The following ANKRD22 variants were observed in gnomAD, a reference collection of about 807,000 sequenced individuals.
ANKRD22 encodes the protein ankyrin repeat domain-containing protein 22.
In ANKRD22, 24 loss-of-function variants were observed where a neutral mutation model predicts 25.7. The ratio of observed to expected loss-of-function variants is 0.93; its 90% CI spans 0.68 to 1.31. ANKRD22 has a LOEUF of 1.31. Ranked by LOEUF, ANKRD22 falls within the 50% of genes most tolerant of loss-of-function variation. The probability of loss-of-function intolerance (pLI) is 0.00; values close to 1 mark genes in which losing one functional copy is unlikely to be tolerated. For synonymous variants in ANKRD22, 84 were observed against 84.3 expected (o/e 1.00, Z 0.02); for missense variants, 214 against 227.1 (o/e 0.94, Z 0.37).
Position 88,851,692 on chromosome 10 carries a change from G to T in ANKRD22, c.-85C>A. On this transcript the variant is annotated 5_prime_UTR_variant, in exon 1 of 6. Transcript: ENST00000371930. ...CTGATGAATATCAAAATCCTTCCTG[G>T]CTGAGAGGAAAGTCCCTAGAAGTCC... 2 of 1,543,956 alleles carry T rather than the reference G, an allele frequency of 1.3e-6. No individual in the cohort carries two copies. The highest frequency in any genetic ancestry group is 8.9e-7 in the Non-Finnish European group (1 of 1,119,064).
intron 1 of ANKRD22, among the ~76,000 whole-genome samples, chr10:88,839,771 T>C (rs1293154322): frequency 2.6e-5 from 4 of 152,122 alleles, no homozygotes; most frequent in Admixed American, 6.6e-5. Flanking sequence ...GGGGTTGATG[T>C]TTAGAAGGTA....
At chr10:88,844,062 CTT>C (rs986899345) in intron 1 of ANKRD22, among the ~76,000 whole-genome samples, 2 of 152,090 alleles carry the variant, frequency 1.3e-5, no homozygotes, top group African/African-American at 4.8e-5. Context: ...CAAAGCCACT[CTT>C]TTAGATCTCT....
intron 1 of ANKRD22, among the ~76,000 whole-genome samples, chr10:88,838,367 T>G (rs143412637): frequency 6.6e-6 from 1 of 152,234 alleles, no homozygotes; most frequent in East Asian, 1.9e-4. Context: ...AATTCAGTCT[T>G]AATGGGCATC....
At chr10:88,841,330 G>A (rs1439566110) in intron 1 of ANKRD22, among the ~76,000 whole-genome samples, 2 of 152,008 alleles carry the variant, frequency 1.3e-5, no homozygotes, top group African/African-American at 2.4e-5. Context: ...AAGGCAGTAG[G>A]GTGCCCATAA....
At chr10:88,828,511 A>T (rs919851601) in intron 3 of ANKRD22, 48 bp downstream of exon 3, 3 of 1,362,072 alleles carry the variant, frequency 2.2e-6, no homozygotes, top group Non-Finnish European at 3.1e-6. Context: ...AATGAGTCAC[A>T]CCATCGATCT....
chr10:88,847,503 C>T (rs533032194), intron 1 of ANKRD22, among the ~76,000 whole-genome samples: 1 of 152,148 alleles, frequency 6.6e-6, no homozygotes, highest in Non-Finnish European at 1.5e-5. Flanking sequence ...AGGTGATCCA[C>T]CTGCCTCAGC....
chr10:88,820,153 T>C lies in ANKRD22; in HGVS notation c.*2788A>G, dbSNP rs1481973972. The C allele has an allele frequency of 8.4e-7, 1 of 1,185,950 alleles. No individual in the cohort carries two copies. Among genetic ancestry groups the C allele is most frequent in the African/African-American group, 1.5e-5 (1 of 65,228 alleles). 73.5% of individuals were successfully genotyped at this position (1,185,950 alleles called of 1,614,324 possible). On this transcript the variant is annotated 3_prime_UTR_variant, in exon 6 of 6. Transcript: ENST00000371930. ...TTCACCACAACAGATGGCATGTTTA[T>C]TATGTCTATTTGAAACATAAATTAT...
chr10:88,836,143 G>T (rs1032627209), intron 1 of ANKRD22, among the ~76,000 whole-genome samples: 3 of 152,100 alleles, frequency 2.0e-5, no homozygotes, highest in African/African-American at 7.2e-5. Context: ...TCCATATGCC[G>T]TTTTTACAAC....
At chr10:88,842,945 C>T (rs1844015575) in intron 1 of ANKRD22, among the ~76,000 whole-genome samples, 2 of 152,094 alleles carry the variant, frequency 1.3e-5, no homozygotes, top group Non-Finnish European at 2.9e-5. Context: ...ATAGTTTTTA[C>T]TCCATTTTGG....
At chr10:88,842,754 A>G (rs905054492) in intron 1 of ANKRD22, among the ~76,000 whole-genome samples, 1 of 152,160 alleles carries the variant, frequency 6.6e-6, no homozygotes, top group African/African-American at 2.4e-5. Flanking sequence ...ACCTATAAAA[A>G]CAACTATAAA....
intron 1 of ANKRD22, among the ~76,000 whole-genome samples, chr10:88,837,597 T>C (rs1421493511): frequency 6.6e-6 from 1 of 152,238 alleles, no homozygotes; most frequent in Admixed American, 6.5e-5. Context: ...AGGTTTGATC[T>C]TCATTCATTA....
rs1843805576 is a variant in ANKRD22, at chr10:88,822,358, T to G, written c.*583A>C. 6.6e-6 allele frequency: 1 copy of G among 152,046 alleles called. No homozygotes were observed. The highest frequency in any genetic ancestry group is 1.5e-5 in the Non-Finnish European group (1 of 68,074). 9.4% of individuals were successfully genotyped at this position (152,046 alleles called of 1,614,324 possible). A position where few individuals can be genotyped will look rare whatever the true frequency, so the allele number is the denominator to read the frequency against. ...AAATACCATTCTGTACAAACATACG[T>G]ATTTAATAATTTGATTCTTCTGCTC... On this transcript the variant is annotated 3_prime_UTR_variant, in exon 6 of 6. Coordinates refer to ENST00000371930, the MANE Select transcript of ANKRD22 (RefSeq NM_144590.3).
In ANKRD22 at chr10:88,820,331, C is replaced by G. The variant is rs1156661488; in HGVS notation, c.*2610G>C. ...TTCAAATCCAGAAGACGTGAAAATG[C>G]TGCTCTCTGAGGTGACCAACCTCAT... is the stretch of plus-strand genomic sequence containing the variant. On this transcript the variant is annotated 3_prime_UTR_variant, in exon 6 of 6. Coordinates refer to ENST00000371930, the MANE Select transcript of ANKRD22 (RefSeq NM_144590.3). 3.2e-6 allele frequency: 5 copies of G among 1,552,144 alleles called. No homozygotes were observed. In the Admixed American group the frequency reaches 7.8e-5, roughly 24 times the overall value.
rs996292542 is a variant in ANKRD22, at chr10:88,822,217, T to A, written c.*724A>T. On this transcript the variant is annotated 3_prime_UTR_variant, in exon 6 of 6. Transcript: ENST00000371930. ...CAAAAACAAACTCTGATTTGTCAAT[T>A]TGCCAATTTCTGTGGTGTAAACACA... The A allele has an allele frequency of 2.0e-5, 3 of 152,216 alleles. No homozygotes were observed. The highest frequency in any genetic ancestry group is 4.4e-5 in the Non-Finnish European group (3 of 68,034). 9.4% of individuals were successfully genotyped at this position (152,216 alleles called of 1,614,324 possible).
chr10:88,828,369 T>C (rs916259828), intron 3 of ANKRD22, among the ~76,000 whole-genome samples, 190 bp downstream of exon 3: 2 of 152,260 alleles, frequency 1.3e-5, no homozygotes, highest in African/African-American at 4.8e-5. Flanking sequence ...TTAACTATTT[T>C]TGCTAGCTTT....
chr10:88,835,203 C>T (rs1355815566), intron 1 of ANKRD22, among the ~76,000 whole-genome samples: 1 of 152,166 alleles, frequency 6.6e-6, no homozygotes, highest in Non-Finnish European at 1.5e-5. Flanking sequence ...AGTTGTTCTG[C>T]AAGAGTCACT....
In ANKRD22 at chr10:88,821,856, G is replaced by C. The variant is rs1843799245; in HGVS notation, c.*1085C>G. On this transcript the variant is annotated 3_prime_UTR_variant, in exon 6 of 6. Coordinates refer to ENST00000371930, the MANE Select transcript of ANKRD22 (RefSeq NM_144590.3). The stretch of plus-strand genomic sequence containing the variant: ...TTTAAAGTGAATTTATTTCTACTCT[G>C]TGTCATTCACAGAAGAAGTGAGACA... Among the ~76,000 whole-genome samples the C allele has an allele frequency of 6.6e-6, 1 of 152,126 alleles. No homozygotes were observed. The highest frequency in any genetic ancestry group is 1.9e-4 in the East Asian group (1 of 5,192).
chr10:88,825,939 A>G (rs1302931641), intron 4 of ANKRD22, 99 bp downstream of exon 4: 5 of 1,014,314 alleles, frequency 4.9e-6, no homozygotes, highest in Non-Finnish European at 7.1e-6. Context: ...TAAATGTAAA[A>G]TTGTCTAGGA....
chr10:88,837,543 T>A (rs550063295), intron 1 of ANKRD22, among the ~76,000 whole-genome samples: 1 of 152,354 alleles, frequency 6.6e-6, no homozygotes, highest in Non-Finnish European at 1.5e-5. Context: ...GCTACATGGA[T>A]GGAAAGAAGT....
Sources: allele counts gnomAD v4.1 joint callset (sites outside exome capture counted in the v4.1 genomes callset), GRCh38; gene constraint gnomAD v4.1.1; transcripts MANE v1.5; gene names NCBI Gene and HGNC (gene_info 2026-07-23, HGNC 2026-07-21).